The following VPS13A variants were observed in gnomAD, a reference collection of about 807,000 sequenced individuals.
VPS13A encodes intermembrane lipid transfer protein VPS13A.
VPS13A carries 264 observed loss-of-function variants against 390.9 expected under a neutral mutation model. The observed-to-expected ratio is 0.68, with a 90% confidence interval of 0.61 to 0.75. The LOEUF (loss-of-function observed/expected upper bound fraction) is 0.75, where lower values mean the gene tolerates loss of function less well. Ranked by LOEUF, VPS13A falls within the 30% of genes least tolerant of loss-of-function variation. The pLI is 0.00. For synonymous variants in VPS13A, 1,231 were observed against 1,227.1 expected (o/e 1.00, Z -0.07); for missense variants, 3,409 against 3,733.9 (o/e 0.91, Z 2.27).
intron 35 of VPS13A, among the ~76,000 whole-genome samples, chr9:77,313,210 A>C (rs1261411866): frequency 1.3e-5 from 2 of 152,206 alleles, no homozygotes; most frequent in Non-Finnish European, 2.9e-5. Flanking sequence ...AATTTAAAAA[A>C]TATACAAAAT....
chr9:77,190,632 T>A (rs1194861425), intron 1 of VPS13A, among the ~76,000 whole-genome samples: 2 of 152,254 alleles, frequency 1.3e-5, no homozygotes, highest in Non-Finnish European at 2.9e-5. Context: ...CTCAATTTTT[T>A]GGAATAGTTT....
intron 54 of VPS13A, among the ~76,000 whole-genome samples, chr9:77,354,216 A>G (rs1831633739): frequency 6.6e-6 from 1 of 152,092 alleles, no homozygotes; most frequent in South Asian, 2.1e-4. Context: ...AGGATAATGT[A>G]ATTTTAATCC....
intron 31 of VPS13A, among the ~76,000 whole-genome samples, chr9:77,291,153 G>T (rs1166341498): frequency 2.0e-5 from 3 of 152,180 alleles, no homozygotes; most frequent in Non-Finnish European, 2.9e-5. Flanking sequence ...CCTCCTGTCA[G>T]ATCAGTGGGG....
chr9:77,286,562 A>G (rs961481815), intron 31 of VPS13A, among the ~76,000 whole-genome samples: 2 of 152,202 alleles, frequency 1.3e-5, no homozygotes, highest in South Asian at 2.1e-4. Context: ...ATCTTAAAAC[A>G]TATTACTCCA....
chr9:77,235,766 G>C (rs1414918267), intron 17 of VPS13A, among the ~76,000 whole-genome samples: 2 of 152,040 alleles, frequency 1.3e-5, no homozygotes, highest in Non-Finnish European at 2.9e-5. Context: ...AATTTCAGTT[G>C]TCCTGTATTC....
At chr9:77,250,259 G>C in intron 21 of VPS13A, 30 bp downstream of exon 21, 4 of 1,610,326 alleles carry the variant, frequency 2.5e-6, no homozygotes, top group Non-Finnish European at 3.4e-6. Flanking sequence ...TTTGTTGATT[G>C]ATTTTGTTGA....
At chr9:77,374,636 G>A (rs1377092861) in intron 67 of VPS13A, among the ~76,000 whole-genome samples, 2 of 152,206 alleles carry the variant, frequency 1.3e-5, no homozygotes, top group African/African-American at 4.8e-5. Flanking sequence ...ACTGCAGAAA[G>A]CAGAACTGTG....
chr9:77,411,759 C>A (rs1834943442), intron 71 of VPS13A, among the ~76,000 whole-genome samples: 1 of 147,368 alleles, frequency 6.8e-6, no homozygotes, highest in South Asian at 2.2e-4. Context: ...CAGAGCAGAA[C>A]TGAAGGAAAT....
chr9:77,295,596 C>G lies in VPS13A; in HGVS notation c.3562C>G (p.Gln1188Glu). The part of the protein sequence containing the change: ...AKQALAEATV[Q>E]AAGMAATGVK... ...ACAAGCCTTGGCTGAGGCAACTGTT[C>G]AGGCAGCTGGAATGGCTGCTACTGG... The change falls in exon 33 of 72, where the codon CAG becomes GAG. Residue 1188 changes from glutamine (Q) to glutamate (E), a missense_variant. Gln to Glu is a conservative substitution (Grantham distance 29, BLOSUM62 2). Coordinates refer to ENST00000360280, the MANE Select transcript of VPS13A (RefSeq NM_033305.3). The G allele has an allele frequency of 1.2e-6, 2 of 1,613,428 alleles. No homozygotes were observed. Among genetic ancestry groups the G allele is most frequent in the South Asian group, 1.1e-5 (1 of 91,008 alleles).
At chr9:77,205,847 C>T in intron 4 of VPS13A, 131 bp from the exon 5 acceptor site, 4 of 628,408 alleles carry the variant, frequency 6.4e-6, no homozygotes, top group Non-Finnish European at 1.1e-5. Context: ...AGCTTGGCCT[C>T]CCAAAGTGCT....
chr9:77,393,951 A>G (rs1834010190), intron 68 of VPS13A, among the ~76,000 whole-genome samples: 1 of 152,114 alleles, frequency 6.6e-6, no homozygotes, highest in African/African-American at 2.4e-5. Context: ...TATTTTTAGT[A>G]GAGATGGGGT....
Position 77,322,998 on chromosome 9 carries a change from T to A in VPS13A, c.5831-69T>A. 1.5e-5 allele frequency: 18 copies of A among 1,223,502 alleles called. No individual in the cohort carries two copies. In the South Asian group the frequency reaches 2.2e-4, roughly 15 times the overall value. 75.8% of individuals were successfully genotyped at this position (1,223,502 alleles called of 1,614,324 possible). A position where few individuals can be genotyped will look rare whatever the true frequency, so the allele number is the denominator to read the frequency against. ...TAAGAATCATCTGAAATTTCTAATA[T>A]GTAACATATGTAAAATTAATATGTA... On this transcript the variant is annotated intron_variant, in intron 44 of 71. Coordinates refer to ENST00000360280, the MANE Select transcript of VPS13A (RefSeq NM_033305.3).
chr9:77,348,623 GA>G (rs1323949420), intron 52 of VPS13A, among the ~76,000 whole-genome samples: 64 of 144,070 alleles, frequency 4.4e-4, no homozygotes, highest in Middle Eastern at 3.5e-3. Flanking sequence ...TTAAATTTAG[GA>G]AAAAAAAAAA....
intron 19 of VPS13A, among the ~76,000 whole-genome samples, chr9:77,244,129 T>G (rs1419514379): frequency 6.6e-6 from 1 of 152,028 alleles, no homozygotes; most frequent in Admixed American, 6.6e-5. Context: ...TCCCAGCTAC[T>G]TGGCAGGCTG....
At chr9:77,324,710 GCT>G (rs1445858646) in intron 45 of VPS13A, among the ~76,000 whole-genome samples, 2 of 151,988 alleles carry the variant, frequency 1.3e-5, no homozygotes, top group African/African-American at 4.8e-5. Flanking sequence ...CTTGAATCTT[GCT>G]CTGTGTCCAG....
rs1823725035 is a variant in VPS13A, at chr9:77,177,810, G to A, written c.100+6G>A. 6.2e-7 allele frequency: 1 copy of A among 1,606,990 alleles called. No homozygotes were observed. Among genetic ancestry groups the A allele is most frequent in the Non-Finnish European group, 8.5e-7 (1 of 1,176,824 alleles). On this transcript the variant is annotated splice_donor_region_variant and intron_variant, in intron 1 of 71. Coordinates refer to ENST00000360280, the MANE Select transcript of VPS13A (RefSeq NM_033305.3). ...CTCTCTGGGCATCTGGAAAGGTAAG[G>A]AGGCCGCCGCCGCCGCTCCCCGGCC...
At chr9:77,249,730 A>G (rs1453667985) in intron 20 of VPS13A, among the ~76,000 whole-genome samples, 2 of 152,210 alleles carry the variant, frequency 1.3e-5, no homozygotes, top group Admixed American at 6.5e-5. Context: ...TTGTACAGCC[A>G]TGTCAGTATT....
chr9:77,205,613 A>G (rs1016531374), intron 4 of VPS13A, among the ~76,000 whole-genome samples: 7 of 151,888 alleles, frequency 4.6e-5, no homozygotes, highest in African/African-American at 1.7e-4. Context: ...TTTTTTTAAG[A>G]TGGAGTCTCG....
intron 22 of VPS13A, among the ~76,000 whole-genome samples, chr9:77,257,575 A>G (rs1825519007): frequency 6.6e-6 from 1 of 152,114 alleles, no homozygotes; most frequent in Non-Finnish European, 1.5e-5. Context: ...CAATGTAGTA[A>G]GACCCTGTCT....
Sources: allele counts gnomAD v4.1 joint callset (sites outside exome capture counted in the v4.1 genomes callset), GRCh38; gene constraint gnomAD v4.1.1; transcripts MANE v1.5; gene names NCBI Gene and HGNC (gene_info 2026-07-23, HGNC 2026-07-21).